Variants in MYT1L observed in about 807,000 individuals in gnomAD.
The protein encoded by MYT1L is myelin transcription factor 1-like protein.
In MYT1L, 12 loss-of-function variants were observed where a neutral mutation model predicts 126.7. The ratio of observed to expected loss-of-function variants is 0.09; its 90% CI spans 0.06 to 0.15. The LOEUF is 0.15. MYT1L is among the 10% of genes least tolerant of loss of function. The pLI is 1.00. For missense variants in MYT1L, 979 were observed against 1,585.2 expected (o/e 0.62, Z 6.49); for synonymous variants, 541 against 604.2 (o/e 0.90, Z 1.53).
chr2:1,979,710 A>C lies in MYT1L; in HGVS notation c.55+13T>G. The C allele has an allele frequency of 6.2e-7, 1 of 1,614,010 alleles. No homozygotes were observed. The highest frequency in any genetic ancestry group is 8.5e-7 in the Non-Finnish European group (1 of 1,179,882). The stretch of plus-strand genomic sequence containing the variant: ...CTGAGCCGGCCTCAGGATGCAGGGA[A>C]GCGCGGACATACCTCGAACCCCTTT... On this transcript the variant is annotated intron_variant, in intron 6 of 24. Coordinates refer to ENST00000647738, the MANE Select transcript of MYT1L (RefSeq NM_001303052.2). The surrounding 1 kb of genome is among the most constrained non-coding windows in gnomAD (Gnocchi z 4.0).
intron 2 of MYT1L, among the ~76,000 whole-genome samples, chr2:2,198,860 T>G (rs541963787): frequency 6.6e-6 from 1 of 151,734 alleles, no homozygotes; most frequent in South Asian, 2.1e-4. Flanking sequence ...AAAATAAAAT[T>G]AAAATTAACT....
chr2:2,220,970 T>C (rs537449740), intron 2 of MYT1L, among the ~76,000 whole-genome samples: 56 of 152,160 alleles, frequency 3.7e-4, no homozygotes, highest in Non-Finnish European at 4.9e-4. Flanking sequence ...GAAGTGAGTT[T>C]AAAGAAGAAA....
intron 9 of MYT1L, among the ~76,000 whole-genome samples, chr2:1,938,006 T>C (rs923946114): frequency 3.3e-5 from 5 of 152,132 alleles, no homozygotes; most frequent in Non-Finnish European, 4.4e-5. Flanking sequence ...CAGTAAAGAG[T>C]AATGAAGAAA....
intron 18 of MYT1L, among the ~76,000 whole-genome samples, chr2:1,884,455 C>CCAG (rs1033675106): frequency 5.0e-4 from 76 of 152,248 alleles, no homozygotes; most frequent in African/African-American, 1.8e-3. Flanking sequence ...TCTTGCTGAC[C>CCAG]CAGATCCAAC....
intron 21 of MYT1L, among the ~76,000 whole-genome samples, chr2:1,815,484 C>T (rs80029861): frequency 5.3e-5 from 8 of 152,366 alleles, no homozygotes; most frequent in Non-Finnish European, 7.3e-5. Flanking sequence ...CTCAGAATCA[C>T]GGTTCCTGCC....
Position 1,889,408 on chromosome 2 carries a change from T to C in MYT1L, c.2353A>G (p.Ser785Gly), listed in dbSNP as rs781623051. 5.6e-6 allele frequency: 9 copies of C among 1,613,770 alleles called. No individual in the cohort carries two copies. The African/African-American group carries it at 1.2e-4, about 22-fold the overall frequency. ...AGAGGGGTCAGGATGGGGCAGCAGC[T>C]GTCCCGCGGCCTCTGCTTGTTCATG... ...LSMNKQRPRDSCCPILTPLEP... is the reference protein window; with the variant it reads ...LSMNKQRPRDGCCPILTPLEP... The change falls in exon 16 of 25, where the codon AGC (serine) becomes GGC (glycine). Residue 785 changes from serine to glycine, a missense_variant. Transcript: ENST00000647738. This position sits in a 1 kb window ranked among gnomAD's most constrained non-coding sequence, Gnocchi z 4.1.
At chr2:1,860,659 T>C (rs1348556759) in intron 18 of MYT1L, among the ~76,000 whole-genome samples, 2 of 152,190 alleles carry the variant, frequency 1.3e-5, no homozygotes, top group Non-Finnish European at 2.9e-5. Context: ...GGATGAGATG[T>C]GTAAGACTGA....
intron 18 of MYT1L, among the ~76,000 whole-genome samples, chr2:1,875,721 C>T (rs114095260): frequency 0.013 from 1,918 of 152,058 alleles, 18 homozygotes; most frequent in Non-Finnish European, 0.02. Flanking sequence ...AGATTATTGC[C>T]AGGAAAGAAA....
intron 3 of MYT1L, among the ~76,000 whole-genome samples, chr2:2,117,791 A>C (rs933038478): frequency 6.6e-5 from 10 of 152,212 alleles, no homozygotes; most frequent in African/African-American, 1.9e-4. Context: ...CTAGATAGCA[A>C]TGAGGAAGCT....
In MYT1L at chr2:1,996,567, A is replaced by C. The variant is rs1277608048; in HGVS notation, c.-1+624T>G. 2.2e-5 allele frequency among the ~76,000 whole-genome samples: 3 copies of C among 137,110 alleles called. No homozygotes were observed. The South Asian group carries it at 7.3e-4, about 33-fold the overall frequency. 89.9% of individuals were successfully genotyped at this position (137,110 alleles called of 152,430 possible). The stretch of plus-strand genomic sequence containing the variant: ...GTGGGCTGCACAGAACCGAGTGTAG[A>C]CGGGCTGCCTTTACCTAGTGAGTGA... On this transcript the variant is annotated intron_variant, in intron 5 of 24. Transcript: ENST00000647738.
At chr2:2,111,123 T>C (rs1206285099) in intron 3 of MYT1L, among the ~76,000 whole-genome samples, 1 of 152,112 alleles carries the variant, frequency 6.6e-6, no homozygotes, top group Non-Finnish European at 1.5e-5. Flanking sequence ...AGTGAGGGTG[T>C]CAGCTCTAAA....
intron 3 of MYT1L, among the ~76,000 whole-genome samples, chr2:2,082,573 TATA>T (rs1331849088): frequency 1.3e-5 from 2 of 152,190 alleles, no homozygotes; most frequent in Admixed American, 6.5e-5. Flanking sequence ...TTGTAACATT[TATA>T]ATAATAGAAT....
chr2:2,182,352 CCTTTAT>C (rs1327456535), intron 2 of MYT1L, among the ~76,000 whole-genome samples: 1 of 152,130 alleles, frequency 6.6e-6, no homozygotes, highest in Non-Finnish European at 1.5e-5. Context: ...AAAGAATTTA[CCTTTAT>C]AAGTGCAAAT....
At chr2:2,262,915 AATAT>A (rs61461867) in intron 2 of MYT1L, among the ~76,000 whole-genome samples, 3 of 62,514 alleles carry the variant, frequency 4.8e-5, no homozygotes, top group African/African-American at 6.8e-5. Flanking sequence ...GAGAGGCACA[AATAT>A]ATATATATAT....
intron 2 of MYT1L, among the ~76,000 whole-genome samples, chr2:2,278,034 C>T (rs1446664979): frequency 2.0e-5 from 3 of 152,148 alleles, no homozygotes; most frequent in African/African-American, 7.2e-5. Flanking sequence ...AAACACTTTT[C>T]ATATACAAAA....
chr2:2,323,158 T>C (rs187574180), intron 1 of MYT1L, among the ~76,000 whole-genome samples: 1 of 152,278 alleles, frequency 6.6e-6, no homozygotes, highest in Admixed American at 6.5e-5. Flanking sequence ...TTTTTAAATA[T>C]CTTGTGTTTG....
At chr2:1,934,189 T>A (rs561705665) in intron 9 of MYT1L, among the ~76,000 whole-genome samples, 2 of 151,446 alleles carry the variant, frequency 1.3e-5, no homozygotes, top group South Asian at 2.1e-4. Context: ...TTAGCCAGGA[T>A]GGTCTCGATC....
chr2:1,901,275 A>AAACAGGTG (rs2050303267), intron 14 of MYT1L, among the ~76,000 whole-genome samples: 1 of 152,230 alleles, frequency 6.6e-6, no homozygotes, highest in African/African-American at 2.4e-5. Flanking sequence ...AACAACAAAA[A>AAACAGGTG]AACAGGTGCG....
chr2:2,121,011 G>A (rs540581212), intron 3 of MYT1L, among the ~76,000 whole-genome samples: 23 of 152,284 alleles, frequency 1.5e-4, no homozygotes, highest in African/African-American at 5.1e-4. Context: ...AGGCCGGCGC[G>A]GAGGAACCAG....
Sources: gnomAD v4.1 joint callset for allele counts (sites outside exome capture counted in the v4.1 genomes callset) on GRCh38, gnomAD v4.1.1 for gene constraint, Gnocchi (gnomAD v3.1) non-coding constraint, MANE v1.5 for transcripts, NCBI Gene and HGNC (gene_info 2026-07-23, HGNC 2026-07-21) for gene names.